The following GAN variants were observed in gnomAD, a reference collection of about 807,000 sequenced individuals.
The protein encoded by GAN is epididymis secretory sperm binding protein.
GAN carries 48 observed loss-of-function variants against 71.3 expected under a neutral mutation model. That is an observed-to-expected ratio of 0.67 (90% CI 0.53 to 0.86). The LOEUF (loss-of-function observed/expected upper bound fraction) is 0.86. Among genes scored for constraint, GAN ranks in the 40% least tolerant of loss-of-function variants. The pLI, the probability that GAN is intolerant of heterozygous loss-of-function variation, is 0.00. For synonymous variants in GAN, 386 were observed against 276.8 expected (o/e 1.39, Z -3.92); for missense variants, 928 against 770.1 (o/e 1.21, Z -2.43).
rs113655220 is a variant in GAN at position 81,354,480 on chromosome 16, C to A, written c.358C>A (p.Leu120Met). Reference protein sequence around the residue: ...DLLLLTDLKTLCCEFLEGCIA... With the variant: ...DLLLLTDLKTMCCEFLEGCIA... ...GCTGCTACTGACGGACCTTAAAACC[C>A]TGTGCTGTGAGTTTTTGGAAGGCTG... The change falls in exon 3 of 11, where the codon CTG becomes ATG. Residue 120 changes from leucine to methionine, a missense_variant. Transcript: ENST00000648994. The A allele has an allele frequency of 6.2e-7, 1 of 1,614,104 alleles. No homozygotes were observed. The highest frequency in any genetic ancestry group is 8.5e-7 in the Non-Finnish European group (1 of 1,179,948).
chr16:81,325,180 C>G (rs1361991796), intron 1 of GAN, among the ~76,000 whole-genome samples: 2 of 152,222 alleles, frequency 1.3e-5, no homozygotes, highest in African/African-American at 4.8e-5. Context: ...AAATACAGAG[C>G]TTACTCTCAA....
intron 9 of GAN, among the ~76,000 whole-genome samples, chr16:81,366,626 C>T (rs1910865759): frequency 6.6e-6 from 1 of 151,984 alleles, no homozygotes. Flanking sequence ...GTAAATGCTG[C>T]CTAACATGTA....
At position 81,383,166 on chromosome 16, in the gene GAN, C is replaced by G. The variant is rs1438872928; in HGVS notation, c.*5570C>G. On this transcript the variant is annotated 3_prime_UTR_variant, in exon 11 of 11. Transcript: ENST00000648994. ...TGATTGGATTTTTAAACCCCTTCCC[C>G]TTTTCATGAAATTAAACATCAAATA... The G allele has an allele frequency of 6.7e-6, 1 of 150,062 alleles. No homozygotes were observed. The highest frequency in any genetic ancestry group is 6.6e-5 in the Admixed American group (1 of 15,062). The allele number at this position is 150,062 out of a possible 1,614,324, so 9.3% of individuals were successfully genotyped here.
intron 1 of GAN, among the ~76,000 whole-genome samples, chr16:81,330,987 C>T (rs754401677): frequency 1.6e-4 from 25 of 152,126 alleles, no homozygotes; most frequent in Non-Finnish European, 2.5e-4. Flanking sequence ...AGGAGGGTTG[C>T]TTAAGCCCAG....
intron 6 of GAN, 86 bp downstream of exon 6, chr16:81,362,697 A>T (rs1910717245): frequency 3.7e-6 from 3 of 817,262 alleles, no homozygotes; most frequent in African/African-American, 3.4e-5. Context: ...TTCAGGGAAG[A>T]AACGGCAGCC....
rs931361998 is a variant in GAN, at chr16:81,379,759, G to A, written c.*2163G>A. 1 of 152,180 alleles carries A rather than the reference G, an allele frequency of 6.6e-6. No individual in the cohort carries two copies. Among genetic ancestry groups the A allele is most frequent in the Admixed American group, 6.5e-5 (1 of 15,278 alleles). The allele number at this position is 152,180 out of a possible 1,614,324, so 9.4% of individuals were successfully genotyped here. A position where few individuals can be genotyped will look rare whatever the true frequency, so the allele number is the denominator to read the frequency against. On this transcript the variant is annotated 3_prime_UTR_variant, in exon 11 of 11. Coordinates refer to ENST00000648994, the MANE Select transcript of GAN (RefSeq NM_022041.4). ...CATCCAGTTAAAGCCACGATCGTCA[G>A]CAATTCTCCTTTTTTAATTTCTGAT...
rs1399741428 is a variant in GAN, at chr16:81,378,365, G to C, written c.*769G>C. 1.3e-5 allele frequency: 2 copies of C among 152,300 alleles called. No homozygotes were observed. The highest frequency in any genetic ancestry group is 2.4e-5 in the African/African-American group (1 of 41,418). 9.4% of individuals were successfully genotyped at this position (152,300 alleles called of 1,614,324 possible). On this transcript the variant is annotated 3_prime_UTR_variant, in exon 11 of 11. Transcript: ENST00000648994. ...GGGGTAGTACCTGTGGAGCCGGGAAGGGTCTCCTGCAGTGCCATTCTGCCT... is the reference window on the plus strand; with the variant it reads ...GGGGTAGTACCTGTGGAGCCGGGAACGGTCTCCTGCAGTGCCATTCTGCCT...
rs375075356 is a variant in GAN at position 81,377,491 on chromosome 16, C to A, written c.1689C>A (p.Ser563=). ...ACCACACTAAACCACTCCTTCCATC[C>A]GACCTTCGCCGTACAGGATGTGCAG... ...TWHHTKPLLP[S]DLRRTGCAAL... is the part of the protein sequence containing the mutation. The change falls in exon 11 of 11, where the codon TCC becomes TCA. Residue 563 remains serine (S), a synonymous_variant. Coordinates refer to ENST00000648994, the MANE Select transcript of GAN (RefSeq NM_022041.4). 4 of 1,614,058 alleles carry A rather than the reference C, an allele frequency of 2.5e-6. No individual in the cohort carries two copies. The highest frequency in any genetic ancestry group is 2.5e-6 in the Non-Finnish European group (3 of 1,179,910).
At chr16:81,353,909 T>C (rs1910394345) in intron 2 of GAN, among the ~76,000 whole-genome samples, 1 of 152,190 alleles carries the variant, frequency 6.6e-6, no homozygotes, top group Non-Finnish European at 1.5e-5. Context: ...GGAATGAGGC[T>C]TCTGAAACAC....
chr16:81,357,088 AT>A, intron 4 of GAN, 86 bp downstream of exon 4: 1 of 881,136 alleles, frequency 1.1e-6, no homozygotes. Context: ...GCTTTTCAGT[AT>A]CTAAAACATA....
chr16:81,333,010 T>C lies in GAN; in HGVS notation c.167+17730T>C, dbSNP rs113068524. On this transcript the variant is annotated intron_variant, in intron 1 of 10. Coordinates refer to ENST00000648994, the MANE Select transcript of GAN (RefSeq NM_022041.4). ...ATCCCAGCACTTTGGGAGGCTGAGG[T>C]GGGCAGATCACAAGGTCAGGAGATC... is the stretch of plus-strand genomic sequence containing the variant. Among the ~76,000 whole-genome samples the C allele has an allele frequency of 4.4e-3, 664 of 152,076 alleles. 3 individuals are homozygous for C. The highest frequency in any genetic ancestry group is 0.015 in the African/African-American group (624 of 41,476).
chr16:81,334,598 G>C (rs543942042), intron 1 of GAN, among the ~76,000 whole-genome samples: 2 of 152,256 alleles, frequency 1.3e-5, no homozygotes, highest in South Asian at 4.1e-4. Flanking sequence ...TATTGCACTG[G>C]GGACAATAGT....
At chr16:81,369,647 A>G (rs1910972438) in intron 9 of GAN, among the ~76,000 whole-genome samples, 2 of 152,162 alleles carry the variant, frequency 1.3e-5, no homozygotes, top group Admixed American at 1.3e-4. Context: ...GCTGGAGTGC[A>G]GTGGCGTGAT....
At chr16:81,340,283 A>T (rs1909897695) in intron 1 of GAN, among the ~76,000 whole-genome samples, 1 of 152,230 alleles carries the variant, frequency 6.6e-6, no homozygotes, top group Non-Finnish European at 1.5e-5. Context: ...TTGTGGAAAC[A>T]TATGACAGTA....
chr16:81,365,096 A>T lies in GAN; in HGVS notation c.1359A>T (p.Pro453=), dbSNP rs1301041479. 2 of 1,613,998 alleles carry T rather than the reference A, an allele frequency of 1.2e-6. No individual in the cohort carries two copies. The highest frequency in any genetic ancestry group is 8.5e-7 in the Non-Finnish European group (1 of 1,179,948). Reference sequence around the variant, plus strand: ...CCCAGCAGTGGACTGCCATATGTCCACTAAAAGAGAGGAGGTACGTGGCTG... The same window carrying T: ...CCCAGCAGTGGACTGCCATATGTCCTCTAAAAGAGAGGAGGTACGTGGCTG... ...PRTQQWTAIC[P]LKERRFGAVA... Residue 453 remains proline, a synonymous_variant, in exon 8 of 11, where the codon CCA becomes CCT. Transcript: ENST00000648994.
At chr16:81,326,017 C>G (rs1909374127) in intron 1 of GAN, among the ~76,000 whole-genome samples, 1 of 152,204 alleles carries the variant, frequency 6.6e-6, no homozygotes, top group South Asian at 2.1e-4. Flanking sequence ...ATCCCTTCCT[C>G]TGTAAGATTT....
intron 6 of GAN, among the ~76,000 whole-genome samples, chr16:81,362,946 G>A (rs1052226477): frequency 1.3e-5 from 2 of 152,248 alleles, no homozygotes; most frequent in African/African-American, 4.8e-5. Context: ...CCCCGTCTTC[G>A]TACGACGTCT....
rs183738950 is a variant in GAN at position 81,379,701 on chromosome 16, G to C, written c.*2105G>C. 6.6e-6 allele frequency: 1 copy of C among 152,322 alleles called. No homozygotes were observed. The highest frequency in any genetic ancestry group is 1.9e-4 in the East Asian group (1 of 5,182). 9.4% of individuals were successfully genotyped at this position (152,322 alleles called of 1,614,324 possible). On this transcript the variant is annotated 3_prime_UTR_variant, in exon 11 of 11. Transcript: ENST00000648994. ...CAGAACAGTACCTTGGCATTCAGCA[G>C]CTGTAATTGGGGAACATTAAAACAG...
In GAN at chr16:81,360,161, G is replaced by A. The variant is rs117957962; in HGVS notation, c.973+2230G>A. Among the ~76,000 whole-genome samples the A allele has an allele frequency of 2.1e-4, 32 of 152,148 alleles. 1 individual carries two copies. The East Asian group carries it at 5.2e-3, about 25-fold the overall frequency. On this transcript the variant is annotated intron_variant, in intron 5 of 10. Coordinates refer to ENST00000648994, the MANE Select transcript of GAN (RefSeq NM_022041.4). ...TTCATTTAGATTTGCCACTTTCTTC[G>A]TTCTTCCTTCTTAACTCCTCAGACT...
Sources: allele counts gnomAD v4.1 joint callset (sites outside exome capture counted in the v4.1 genomes callset), GRCh38; gene constraint gnomAD v4.1.1; transcripts MANE v1.5; gene names NCBI Gene and HGNC (gene_info 2026-07-23, HGNC 2026-07-21).